The following PPARD variants were observed in gnomAD, a reference collection of about 807,000 sequenced individuals.
PPARD encodes peroxisome proliferator-activated receptor delta.
In PPARD, 6 loss-of-function variants were observed where a neutral mutation model predicts 39.5. The ratio of observed to expected loss-of-function variants is 0.15; its 90% CI spans 0.08 to 0.30. The LOEUF is 0.30. PPARD is among the 10% of genes least tolerant of loss of function. PPARD has a pLI of 1.00. For synonymous variants in PPARD, 210 were observed against 231.3 expected (o/e 0.91, Z 0.83); for missense variants, 397 against 596.8 (o/e 0.67, Z 3.49).
intron 2 of PPARD, among the ~76,000 whole-genome samples, chr6:35,391,354 G>A (rs758993254): frequency 2.6e-5 from 4 of 152,196 alleles, no homozygotes; most frequent in Non-Finnish European, 4.4e-5. Context: ...ACAGTTTGGC[G>A]CATTTGCTTG....
chr6:35,344,026 G>A (rs1792023290), intron 1 of PPARD, among the ~76,000 whole-genome samples: 1 of 151,980 alleles, frequency 6.6e-6, no homozygotes, highest in South Asian at 2.1e-4. Context: ...TTGCTGGCCT[G>A]ATAGCCCTGG....
rs9658142 is a variant in PPARD, at chr6:35,412,221, G to A, written c.130+1004G>A. ...GCTGGGATTACAAGCAGGAGCCACCGCGCCTGGCCTGATCCCTCTGCTTCT... is the reference window on the plus strand; with the variant it reads ...GCTGGGATTACAAGCAGGAGCCACCACGCCTGGCCTGATCCCTCTGCTTCT... On this transcript the variant is annotated intron_variant, in intron 3 of 7. Coordinates refer to ENST00000360694, the MANE Select transcript of PPARD (RefSeq NM_006238.5). The surrounding 1 kb of genome is among the most constrained non-coding windows in gnomAD (Gnocchi z 4.1). Among the ~76,000 whole-genome samples the A allele has an allele frequency of 0.091, 13,866 of 152,140 alleles. 840 individuals are homozygous for A. The highest frequency in any genetic ancestry group is 0.13 in the Non-Finnish European group (9,064 of 67,982).
chr6:35,416,276 A>C (rs1309198662), intron 3 of PPARD, among the ~76,000 whole-genome samples: 1 of 134,660 alleles, frequency 7.4e-6, no homozygotes. Flanking sequence ...CGGGGGGCTG[A>C]GGCAGGAGAA....
At chr6:35,350,798 T>C (rs1269216234) in intron 2 of PPARD, among the ~76,000 whole-genome samples, 1 of 151,860 alleles carries the variant, frequency 6.6e-6, no homozygotes, top group African/African-American at 2.4e-5. Flanking sequence ...GCTAATTTTT[T>C]GTGTTTTTAG....
rs200760912 is a variant in PPARD, at chr6:35,428,146, G to A, written c.*2067G>A. The A allele has an allele frequency of 7.9e-5, 12 of 152,622 alleles. No individual in the cohort carries two copies. The highest frequency in any genetic ancestry group is 2.2e-4 in the African/African-American group (9 of 41,452). The allele number at this position is 152,622 out of a possible 1,614,324, so 9.5% of individuals were successfully genotyped here. ...ATATAAATAGTGTACACAGACTGAC[G>A]AAACTTTAAATAAATGGGAATTAAA... On this transcript the variant is annotated 3_prime_UTR_variant, in exon 8 of 8. Coordinates refer to ENST00000360694, the MANE Select transcript of PPARD (RefSeq NM_006238.5).
Position 35,347,102 on chromosome 6 carries a change from A to G in PPARD, c.-150A>G. 1 of 1,536,122 alleles carries G rather than the reference A, an allele frequency of 6.5e-7. No individual in the cohort carries two copies. Among genetic ancestry groups the G allele is most frequent in the Non-Finnish European group, 8.7e-7 (1 of 1,146,904 alleles). On this transcript the variant is annotated 5_prime_UTR_variant, in exon 2 of 8. Transcript: ENST00000360694. ...TGTTTTGGGCATGCACGTGATACTC[A>G]CACAGTGGCTTCTGCTCACCAACAG...
intron 2 of PPARD, chr6:35,348,857 C>T (rs1463668987): frequency 2.0e-6 from 2 of 985,244 alleles, no homozygotes; most frequent in Non-Finnish European, 2.4e-6. Flanking sequence ...GGTCAAAGTA[C>T]CTCCTGAGCG....
intron 3 of PPARD, among the ~76,000 whole-genome samples, chr6:35,411,617 TC>T (rs1487188035): frequency 6.6e-6 from 1 of 152,206 alleles, no homozygotes; most frequent in Non-Finnish European, 1.5e-5. Context: ...ATTGTTATGA[TC>T]AGTCGAAACA....
intron 3 of PPARD, 73 bp from the exon 4 acceptor site, chr6:35,420,054 G>T (rs1766034635): frequency 1.4e-5 from 21 of 1,547,938 alleles, no homozygotes; most frequent in Admixed American, 1.8e-5. Flanking sequence ...GGCGAGGGCT[G>T]TGGGGCTGTT....
intron 2 of PPARD, among the ~76,000 whole-genome samples, chr6:35,406,331 G>C (rs1282315738): frequency 2.6e-5 from 4 of 152,222 alleles, no homozygotes; most frequent in Admixed American, 1.3e-4. Context: ...AATCTAGACA[G>C]TGGGCCTAGG....
chr6:35,410,037 A>G (rs1201697878), intron 2 of PPARD, among the ~76,000 whole-genome samples: 3 of 152,188 alleles, frequency 2.0e-5, no homozygotes, highest in African/African-American at 2.4e-5. Flanking sequence ...GAGTGGGTAG[A>G]CAGGCAGGTG....
rs1792226048 is a variant in PPARD, at chr6:35,347,049, GT to G, written c.-185-12del. 1 of 1,498,248 alleles carries G rather than the reference GT, an allele frequency of 6.7e-7. No individual in the cohort carries two copies. The highest frequency in any genetic ancestry group is 2.5e-5 in the East Asian group (1 of 40,592). The allele number at this position is 1,498,248 out of a possible 1,614,324, so 92.8% of individuals were successfully genotyped here. ...GCACCTGTCAGCTAAAGCTGTTGGG[GT>G]TTTTTCTATCCTGCAGTGTTGTACA... On this transcript the variant is annotated splice_polypyrimidine_tract_variant and intron_variant, in intron 1 of 7. Coordinates refer to ENST00000360694, the MANE Select transcript of PPARD (RefSeq NM_006238.5).
intron 2 of PPARD, among the ~76,000 whole-genome samples, chr6:35,350,716 C>T (rs920222429): frequency 7.2e-6 from 1 of 138,436 alleles, no homozygotes; most frequent in African/African-American, 2.7e-5. Context: ...GCCTCTGCCT[C>T]CCGTGTTCGA....
intron 3 of PPARD, among the ~76,000 whole-genome samples, chr6:35,415,559 C>T (rs1765697707): frequency 6.6e-6 from 1 of 152,180 alleles, no homozygotes; most frequent in South Asian, 2.1e-4. Context: ...AGTGTTTACA[C>T]TGAATCCAAA....
intron 2 of PPARD, among the ~76,000 whole-genome samples, chr6:35,393,469 T>C (rs1403399987): frequency 6.6e-6 from 1 of 152,180 alleles, no homozygotes; most frequent in Non-Finnish European, 1.5e-5. Context: ...ATTCCCCAAG[T>C]GTCATCAATA....
chr6:35,345,553 C>T (rs1359672628), intron 1 of PPARD, among the ~76,000 whole-genome samples: 1 of 152,216 alleles, frequency 6.6e-6, no homozygotes, highest in Non-Finnish European at 1.5e-5. Flanking sequence ...ACTGAGATTA[C>T]ACTGACTGCT....
intron 2 of PPARD, among the ~76,000 whole-genome samples, chr6:35,409,511 A>G (rs767191973): frequency 6.7e-6 from 1 of 148,790 alleles, no homozygotes; most frequent in Non-Finnish European, 1.5e-5. Flanking sequence ...TCAAAAAACA[A>G]TAACAACAAC....
In PPARD at chr6:35,366,007, G is replaced by C. The variant is rs962108588; in HGVS notation, c.-102+18857G>C. ...TGAGTGAGCGCTGGTATCTGAGTGG[G>C]CCTTGCAGGCCTGGCAGAATTTCAG... On this transcript the variant is annotated intron_variant, in intron 2 of 7. Coordinates refer to ENST00000360694, the MANE Select transcript of PPARD (RefSeq NM_006238.5). This position sits in a 1 kb window ranked among gnomAD's most constrained non-coding sequence, Gnocchi z 4.6. 1.3e-5 allele frequency among the ~76,000 whole-genome samples: 2 copies of C among 151,728 alleles called. No homozygotes were observed. Among genetic ancestry groups the C allele is most frequent in the African/African-American group, 4.9e-5 (2 of 40,998 alleles).
Position 35,424,220 on chromosome 6 carries a change from G to A in PPARD, c.627+72G>A, listed in dbSNP as rs1766417047. ...CCCACTGCCGCCTGCCTGACTCCGG[G>A]AGAGCCAGGCCTTCTCCCTCCCTCA... On this transcript the variant is annotated intron_variant, in intron 6 of 7. Transcript: ENST00000360694. The surrounding 1 kb of genome is among the most constrained non-coding windows in gnomAD (Gnocchi z 7.1). 1 of 1,593,812 alleles carries A rather than the reference G, an allele frequency of 6.3e-7. No individual in the cohort carries two copies. The highest frequency in any genetic ancestry group is 8.6e-7 in the Non-Finnish European group (1 of 1,168,484).
Sources: gnomAD v4.1 joint callset for allele counts (sites outside exome capture counted in the v4.1 genomes callset) on GRCh38, gnomAD v4.1.1 for gene constraint, Gnocchi (gnomAD v3.1) non-coding constraint, MANE v1.5 for transcripts, NCBI Gene and HGNC (gene_info 2026-07-23, HGNC 2026-07-21) for gene names.